Variants in C8orf34 observed in about 807,000 individuals in gnomAD.
C8orf34 encodes chromosome 8 open reading frame 34, also known as uncharacterized protein C8orf34.
A neutral mutation model predicts 68.3 loss-of-function variants in C8orf34; 65 were observed. The observed-to-expected ratio is 0.95, with a 90% CI of 0.78 to 1.17. The LOEUF (loss-of-function observed/expected upper bound fraction) is 1.17, where lower values mean the gene tolerates loss of function less well. Among genes scored for constraint, C8orf34 ranks in the 50% most tolerant of loss-of-function variants. The pLI, the probability that C8orf34 is intolerant of heterozygous loss-of-function variation, is 0.00. For missense variants in C8orf34, 664 were observed against 655.4 expected (o/e 1.01, Z -0.14); for synonymous variants, 244 against 241.2 (o/e 1.01, Z -0.11).
chr8:68,428,437 T>G (rs1810320559), intron 1 of C8orf34, among the ~76,000 whole-genome samples: 1 of 152,094 alleles, frequency 6.6e-6, no homozygotes, highest in South Asian at 2.1e-4. Flanking sequence ...GGAATCAAAG[T>G]ATTCTAAAAT....
intron 3 of C8orf34, among the ~76,000 whole-genome samples, chr8:68,461,868 A>T (rs940071450): frequency 6.6e-6 from 1 of 152,216 alleles, no homozygotes; most frequent in Non-Finnish European, 1.5e-5. Context: ...CAAGGCTAGG[A>T]AGAAACTGCA....
intron 5 of C8orf34, among the ~76,000 whole-genome samples, chr8:68,490,046 G>A (rs765142116): frequency 2.0e-5 from 3 of 152,088 alleles, no homozygotes; most frequent in Admixed American, 6.6e-5. Flanking sequence ...ATGGCTTTCC[G>A]GCCTTGTTCT....
intron 7 of C8orf34, among the ~76,000 whole-genome samples, chr8:68,636,462 G>A (rs1314413616): frequency 6.6e-6 from 1 of 151,898 alleles, no homozygotes; most frequent in Non-Finnish European, 1.5e-5. Flanking sequence ...GTATGTGCTT[G>A]TAATCCCAGC....
chr8:68,480,052 T>A (rs1326781369), intron 4 of C8orf34, among the ~76,000 whole-genome samples: 1 of 152,210 alleles, frequency 6.6e-6, no homozygotes. Flanking sequence ...TGTTTTCAAC[T>A]TTTGTTCTAG....
chr8:68,535,200 G>C, intron 7 of C8orf34: 2 of 983,154 alleles, frequency 2.0e-6, no homozygotes, highest in Non-Finnish European at 2.4e-6. Context: ...TAAATGCTAA[G>C]TTCTTGGAAA....
At chr8:68,815,192 A>G (rs547846314) in intron 12 of C8orf34, among the ~76,000 whole-genome samples, 1 of 152,254 alleles carries the variant, frequency 6.6e-6, no homozygotes, top group East Asian at 1.9e-4. Context: ...CTTTTGAACT[A>G]GAATAGTCAT....
At chr8:68,704,568 T>C (rs573704947) in intron 8 of C8orf34, among the ~76,000 whole-genome samples, 6 of 152,082 alleles carry the variant, frequency 3.9e-5, no homozygotes, top group Admixed American at 2.6e-4. Context: ...ATAAAAATGG[T>C]AGTTCTAAAA....
At chr8:68,333,403 G>A (rs1805715696) in intron 1 of C8orf34, among the ~76,000 whole-genome samples, 1 of 152,150 alleles carries the variant, frequency 6.6e-6, no homozygotes, top group African/African-American at 2.4e-5. Flanking sequence ...TTTAAGGTTT[G>A]ATGTCCACTT....
intron 1 of C8orf34, among the ~76,000 whole-genome samples, chr8:68,368,149 T>C (rs1807395147): frequency 6.6e-6 from 1 of 152,080 alleles, no homozygotes; most frequent in African/African-American, 2.4e-5. Flanking sequence ...GTAGGGAAGT[T>C]TTACCACAGA....
At chr8:68,423,243 G>C (rs1810062212) in intron 1 of C8orf34, among the ~76,000 whole-genome samples, 2 of 152,022 alleles carry the variant, frequency 1.3e-5, no homozygotes, top group East Asian at 3.9e-4. Context: ...TTTATGTTCT[G>C]TTTCCTCTTG....
At chr8:68,623,140 T>C (rs1818436461) in intron 7 of C8orf34, among the ~76,000 whole-genome samples, 1 of 152,172 alleles carries the variant, frequency 6.6e-6, no homozygotes, top group South Asian at 2.1e-4. Context: ...ATTAACCAAA[T>C]GTCAGATTGC....
At chr8:68,536,799 T>C (rs1176315420) in intron 7 of C8orf34, among the ~76,000 whole-genome samples, 1 of 152,154 alleles carries the variant, frequency 6.6e-6, no homozygotes, top group African/African-American at 2.4e-5. Context: ...TTTTTGGTCT[T>C]AGCCTATAAT....
intron 4 of C8orf34, among the ~76,000 whole-genome samples, chr8:68,476,595 G>A (rs565971602): frequency 4.9e-4 from 75 of 152,318 alleles, no homozygotes; most frequent in African/African-American, 1.8e-3. Context: ...TCTTTTTGAA[G>A]AGGGAAAGGG....
intron 4 of C8orf34, among the ~76,000 whole-genome samples, chr8:68,483,642 G>A (rs1812953839): frequency 6.6e-6 from 1 of 152,212 alleles, no homozygotes; most frequent in Non-Finnish European, 1.5e-5. Context: ...TTGATCAGAA[G>A]TCAACATGGC....
chr8:68,776,964 A>T (rs1823537831), intron 11 of C8orf34, among the ~76,000 whole-genome samples: 1 of 152,232 alleles, frequency 6.6e-6, no homozygotes. Context: ...ATTTTTGGAG[A>T]TATCCAAGGG....
intron 1 of C8orf34, among the ~76,000 whole-genome samples, chr8:68,383,626 C>T (rs1808136168): frequency 6.6e-6 from 1 of 152,206 alleles, no homozygotes; most frequent in African/African-American, 2.4e-5. Flanking sequence ...TAAGTTATCA[C>T]ATCCTAATTT....
chr8:68,776,861 G>T (rs7834286), intron 11 of C8orf34, among the ~76,000 whole-genome samples: 67,327 of 152,082 alleles, frequency 0.44, 16,242 homozygotes, highest in African/African-American at 0.63. Flanking sequence ...CATCAGGGAT[G>T]ATATTCATAC....
chr8:68,357,473 G>A (rs1015863376), intron 1 of C8orf34, among the ~76,000 whole-genome samples: 2 of 152,134 alleles, frequency 1.3e-5, no homozygotes, highest in Admixed American at 1.3e-4. Flanking sequence ...CTTCAGATTA[G>A]TAGGGAACAC....
In C8orf34 at chr8:68,535,107, T is replaced by C. The variant is rs1321306905; in HGVS notation, c.1105+1958T>C. ...TGTTACAAGTCCACTGGACTTTATC[T>C]TAAAATAATGCCATATTCAATTTCT... On this transcript the variant is annotated intron_variant, in intron 7 of 13. Coordinates refer to ENST00000518698, the MANE Select transcript of C8orf34 (RefSeq NM_052958.4). The C allele has an allele frequency of 5.1e-6, 5 of 984,896 alleles. No individual in the cohort carries two copies. The Admixed American group carries it at 3.1e-4, about 61-fold the overall frequency. The allele number at this position is 984,896 out of a possible 1,614,324, so 61.0% of individuals were successfully genotyped here.
Sources: allele counts gnomAD v4.1 joint callset (sites outside exome capture counted in the v4.1 genomes callset), GRCh38; gene constraint gnomAD v4.1.1; transcripts MANE v1.5; gene names NCBI Gene and HGNC (gene_info 2026-07-23, HGNC 2026-07-21).